The following TMPRSS5 variants were observed in gnomAD, a reference collection of about 807,000 sequenced individuals.
The protein encoded by TMPRSS5 is transmembrane serine protease 5.
Under a neutral mutation model 59.7 loss-of-function variants are expected in TMPRSS5, and 45 were observed. The ratio of observed to expected loss-of-function variants is 0.75; its 90% CI spans 0.59 to 0.97. The LOEUF is 0.97. TMPRSS5 is among the 50% of genes least tolerant of loss of function. The pLI is 0.00. For synonymous variants in TMPRSS5, 225 were observed against 232.0 expected, an observed-to-expected ratio of 0.97 and a Z score of 0.27; for missense variants, 585 against 596.7, an observed-to-expected ratio of 0.98 and a Z score of 0.20.
At position 113,697,371 on chromosome 11, in the gene TMPRSS5, T is replaced by C. The variant is rs1591382874; in HGVS notation, c.376A>G (p.Arg126Gly). The change falls in exon 5 of 13, where the codon AGG (arginine) becomes GGG (glycine). Residue 126 changes from arginine (R) to glycine (G), a missense_variant. Transcript: ENST00000299882. ...ACCAGGAGCCAGCGTGGCTGATCCC[T>C]CACTTGCGCTTCCAGCAAGAAGTCT... ...SEDFLLEAQV[R>G]DQPRWLLVCH... 3 of 1,613,836 alleles carry C rather than the reference T, an allele frequency of 1.9e-6. No individual in the cohort carries two copies. Among genetic ancestry groups the C allele is most frequent in the East Asian group, 4.5e-5 (2 of 44,874 alleles).
rs1394693052 is a variant in TMPRSS5 at position 113,695,404 on chromosome 11, G to C, written c.618C>G (p.Cys206Trp). 2 of 1,613,946 alleles carry C rather than the reference G, an allele frequency of 1.2e-6. No homozygotes were observed. The highest frequency in any genetic ancestry group is 1.7e-6 in the Non-Finnish European group (2 of 1,179,858). Residue 206 changes from cysteine (C) to tryptophan (W), a missense_variant, in exon 7 of 13, where the codon TGC (cysteine) becomes TGG (tryptophan). Physicochemically the swap from Cys to Trp is radical, Grantham distance 215 (BLOSUM62 -2). Transcript: ENST00000299882. ...CTAGACCAAGATATGACTCACCAGA[G>C]CATCTGAGGGAAACAACTTGACCAG... ...CTSGQVVSLR[C>W]SECGARPLAS...
chr11:113,695,801 C>T lies in TMPRSS5; in HGVS notation c.579-358G>A, dbSNP rs1397533513. Among the ~76,000 whole-genome samples, 10 of 152,294 alleles carry T rather than the reference C, an allele frequency of 6.6e-5. No individual in the cohort carries two copies. The South Asian group carries it at 1.9e-3, about 28-fold the overall frequency. On this transcript the variant is annotated intron_variant, in intron 6 of 12. Coordinates refer to ENST00000299882, the MANE Select transcript of TMPRSS5 (RefSeq NM_030770.4). ...AATACACACTCAATGAATGAATGAA[C>T]GGATAGGTGAGTGTGTGGGTGACTA... is the stretch of plus-strand genomic sequence containing the variant.
intron 9 of TMPRSS5, 23 bp downstream of exon 9, chr11:113,693,048 C>G: frequency 1.9e-6 from 3 of 1,551,950 alleles, no homozygotes; most frequent in Non-Finnish European, 2.6e-6. Flanking sequence ...TCCAGCCTGC[C>G]CACCCTCAAG....
At chr11:113,698,829 T>G in intron 4 of TMPRSS5, 76 bp downstream of exon 4, 3 of 1,518,824 alleles carry the variant, frequency 2.0e-6, no homozygotes, top group Non-Finnish European at 2.7e-6. Context: ...GGCCCTTCAG[T>G]GTCGGTTCTC....
chr11:113,693,600 T>C (rs1952846403), intron 8 of TMPRSS5: 1 of 180,220 alleles, frequency 5.5e-6, no homozygotes, highest in Admixed American at 5.6e-5. Flanking sequence ...ATCTCTCAAC[T>C]TACTGTGTGT....
chr11:113,690,180 T>TCCCCCCCCCCCCCCC, intron 11 of TMPRSS5, 51 bp downstream of exon 11: 1 of 187,988 alleles, frequency 5.3e-6, no homozygotes, highest in Non-Finnish European at 8.9e-6. Context: ...CCCCCTGCCC[T>TCCCCCCCCCCCCCCC]CCCACCCCCA....
At chr11:113,699,221 C>G (rs1027539226) in intron 3 of TMPRSS5, among the ~76,000 whole-genome samples, 194 bp from the exon 4 acceptor site, 41 of 33,316 alleles carry the variant, frequency 1.2e-3, no homozygotes, top group Non-Finnish European at 1.7e-3. Flanking sequence ...GTCTCTCTCT[C>G]TCTCTCTCTC....
chr11:113,699,211 G>GTCTCTCTC (rs1221479693), intron 3 of TMPRSS5, among the ~76,000 whole-genome samples, 184 bp from the exon 4 acceptor site: 1 of 62,952 alleles, frequency 1.6e-5, no homozygotes, highest in African/African-American at 5.3e-5. Context: ...TTGTCTGTCT[G>GTCTCTCTC]TCTCTCTCTC....
In TMPRSS5 at chr11:113,694,543, C is replaced by T. The variant is rs1429223351; in HGVS notation, c.720G>A (p.Arg240=). The change falls in exon 8 of 13, where the codon CGG becomes CGA. Residue 240 remains arginine, a synonymous_variant. Coordinates refer to ENST00000299882, the MANE Select transcript of TMPRSS5 (RefSeq NM_030770.4). ...CTAGCACAGAGCCCCCACACGTGTGCCGGAAGCCCAGGGCCACGCTGGCCT... is the reference window on the plus strand; with the variant it reads ...CTAGCACAGAGCCCCCACACGTGTGTCGGAAGCCCAGGGCCACGCTGGCCT... ...PWQASVALGF[R]HTCGGSVLAP... is the part of the protein sequence containing the mutation. The T allele has an allele frequency of 1.3e-5, 21 of 1,558,064 alleles. No homozygotes were observed. Among genetic ancestry groups the T allele is most frequent in the Non-Finnish European group, 1.8e-5 (21 of 1,150,958 alleles).
At position 113,688,264 on chromosome 11, in the gene TMPRSS5, A is replaced by G; in HGVS notation, c.1370T>C (p.Leu457Pro). ...WIHDTAQDSLL is the reference protein window; with the variant it reads ...WIHDTAQDSLP The stretch of plus-strand genomic sequence containing the variant: ...GACTGGAGGAAACAGCAGGACTCAG[A>G]GGAGGGAGTCCTAGACCAAAAGGGA... The change falls in exon 13 of 13, where the codon CTC becomes CCC. Residue 457 changes from leucine to proline, a missense_variant. Leu to Pro is a moderately conservative substitution (Grantham distance 98). Transcript: ENST00000299882. 4 of 1,581,416 alleles carry G rather than the reference A, an allele frequency of 2.5e-6. No homozygotes were observed. The highest frequency in any genetic ancestry group is 3.4e-6 in the Non-Finnish European group (4 of 1,163,436).
At chr11:113,691,966 C>A (rs1040385042) in intron 9 of TMPRSS5, among the ~76,000 whole-genome samples, 6 of 139,986 alleles carry the variant, frequency 4.3e-5, no homozygotes, top group Admixed American at 3.9e-4. Context: ...CAGCTCACTG[C>A]AATCTCTGCC....
intron 8 of TMPRSS5, chr11:113,693,594 C>G (rs1244772772): frequency 3.2e-5 from 6 of 185,838 alleles, no homozygotes; most frequent in African/African-American, 1.4e-4. Context: ...GGTCCCATCT[C>G]TCAACTTACT....
At chr11:113,689,421 G>A (rs561030260) in intron 12 of TMPRSS5, among the ~76,000 whole-genome samples, 4 of 152,076 alleles carry the variant, frequency 2.6e-5, no homozygotes, top group Admixed American at 1.3e-4. Context: ...GGCATTGTAC[G>A]GGTCTTATTT....
At chr11:113,705,074 G>A (rs187967993) in intron 1 of TMPRSS5, among the ~76,000 whole-genome samples, 233 of 152,070 alleles carry the variant, frequency 1.5e-3, no homozygotes, top group African/African-American at 5.2e-3. Flanking sequence ...AGCAACTCCC[G>A]TTTCCCCTGC....
In TMPRSS5 at chr11:113,688,316, A is replaced by G. The variant is rs750607562; in HGVS notation, c.1360-42T>C. ...AGGAACTGATTCACAGCATGGCTCT[A>G]CACTAGCCAAGCGACTTTTATTTTA... On this transcript the variant is annotated intron_variant, in intron 12 of 12. Transcript: ENST00000299882. 14 of 1,408,664 alleles carry G rather than the reference A, an allele frequency of 9.9e-6. No individual in the cohort carries two copies. In the South Asian group the frequency reaches 1.7e-4, roughly 17 times the overall value. The allele number at this position is 1,408,664 out of a possible 1,614,324, so 87.3% of individuals were successfully genotyped here.
Position 113,699,486 on chromosome 11 carries a change from C to T in TMPRSS5, c.205+109G>A, listed in dbSNP as rs73568808. 203,623 of 887,066 alleles carry T rather than the reference C, an allele frequency of 0.23. 24,646 individuals carry two copies. Among genetic ancestry groups the T allele is most frequent in the Middle Eastern group, 0.32 (1,451 of 4,504 alleles). 54.9% of individuals were successfully genotyped at this position (887,066 alleles called of 1,614,324 possible). The stretch of plus-strand genomic sequence containing the variant: ...ATTTCACCCTTTCTCCCCTTGTCTG[C>T]ACAGAGTAGTTGAGGAAGACAGTTG... On this transcript the variant is annotated intron_variant, in intron 3 of 12. Coordinates refer to ENST00000299882, the MANE Select transcript of TMPRSS5 (RefSeq NM_030770.4).
intron 7 of TMPRSS5, among the ~76,000 whole-genome samples, 179 bp downstream of exon 7, chr11:113,695,221 A>G (rs1415506070): frequency 6.6e-6 from 1 of 152,170 alleles, no homozygotes; most frequent in Non-Finnish European, 1.5e-5. Flanking sequence ...AGGCTTAGAA[A>G]GGGTTCGGCT....
At chr11:113,693,598 A>G (rs1333059375) in intron 8 of TMPRSS5, 1 of 181,280 alleles carries the variant, frequency 5.5e-6, no homozygotes, top group African/African-American at 2.4e-5. Context: ...CCATCTCTCA[A>G]CTTACTGTGT....
intron 9 of TMPRSS5, 141 bp from the exon 10 acceptor site, chr11:113,691,080 C>A: frequency 1.4e-6 from 1 of 713,432 alleles, no homozygotes; most frequent in Admixed American, 2.8e-5. Context: ...ACCAGCCAGG[C>A]CTCCTAGATG....
Sources: allele counts gnomAD v4.1 joint callset (sites outside exome capture counted in the v4.1 genomes callset), GRCh38; gene constraint gnomAD v4.1.1; transcripts MANE v1.5; gene names NCBI Gene and HGNC (gene_info 2026-07-23, HGNC 2026-07-21).